The following LOC400499 variants were observed in gnomAD, a reference collection of about 807,000 sequenced individuals.
chr16:11,399,464 G>T, the LOC400499 span: 1 of 399,984 alleles, frequency 2.5e-6, no homozygotes, highest in South Asian at 1.3e-4. Context: ...CTGCTCCCCT[G>T]ACCTCACCTC....
chr16:11,468,987 G>A, the LOC400499 span, among the ~76,000 whole-genome samples: 3 of 152,146 alleles, frequency 2.0e-5, no homozygotes, highest in Non-Finnish European at 2.9e-5. Context: ...AATGACGGTG[G>A]GATTTGAGCC....
At chr16:11,383,499 C>T in the LOC400499 span, 1 of 925,040 alleles carries the variant, frequency 1.1e-6, no homozygotes. Flanking sequence ...TCCAAACAGG[C>T]AGTCTTAATA....
the LOC400499 span, among the ~76,000 whole-genome samples, chr16:11,464,162 T>C: frequency 1.7e-4 from 7 of 41,880 alleles, no homozygotes; most frequent in Non-Finnish European, 3.5e-4. Flanking sequence ...TGTATGTGTA[T>C]GGACATGTGT....
At chr16:11,385,055 AGCCTGTAG>A in the LOC400499 span, 3 of 1,232,172 alleles carry the variant, frequency 2.4e-6, no homozygotes, top group South Asian at 4.1e-5. Flanking sequence ...GGAGTTGTAC[AGCCTGTAG>A]GCCTGTGGGC....
At chr16:11,432,703 G>C in the LOC400499 span, among the ~76,000 whole-genome samples, 49,946 of 152,068 alleles carry the variant, frequency 0.33, 8,676 homozygotes, top group Admixed American at 0.48. Flanking sequence ...GACACCATTG[G>C]AGAGATTTCC....
chr16:11,525,665 T>A, the LOC400499 span, among the ~76,000 whole-genome samples: 1 of 152,172 alleles, frequency 6.6e-6, no homozygotes, highest in Non-Finnish European at 1.5e-5. Flanking sequence ...TCCCTACATC[T>A]GCTTCACTGC....
chr16:11,402,826 A>G, the LOC400499 span, among the ~76,000 whole-genome samples: 1 of 151,936 alleles, frequency 6.6e-6, no homozygotes, highest in Non-Finnish European at 1.5e-5. Context: ...CTTTGTTACC[A>G]TCCTGAATCA....
chr16:11,424,403 T>G, the LOC400499 span: 2 of 399,150 alleles, frequency 5.0e-6, no homozygotes, highest in Non-Finnish European at 8.8e-6. Context: ...CTCACCCCAG[T>G]CCACCGCATT....
At chr16:11,504,459 G>A in the LOC400499 span, among the ~76,000 whole-genome samples, 1 of 152,116 alleles carries the variant, frequency 6.6e-6, no homozygotes, top group Non-Finnish European at 1.5e-5. Context: ...AGGAGGCTGA[G>A]GCAAGAGATC....
At chr16:11,508,357 G>T in the LOC400499 span, among the ~76,000 whole-genome samples, 1 of 152,256 alleles carries the variant, frequency 6.6e-6, no homozygotes, top group East Asian at 1.9e-4. Flanking sequence ...CCTGGGCCAT[G>T]TGTTTCTAAC....
At chr16:11,384,262 T>G in the LOC400499 span, 1 of 1,232,326 alleles carries the variant, frequency 8.1e-7, no homozygotes, top group South Asian at 4.1e-5. Context: ...CATAGAGCCA[T>G]CCGGCAACAT....
At chr16:11,395,569 G>T in the LOC400499 span, among the ~76,000 whole-genome samples, 1 of 152,204 alleles carries the variant, frequency 6.6e-6, no homozygotes, top group Non-Finnish European at 1.5e-5. Flanking sequence ...TCTCAACCCA[G>T]AAATGCCATC....
chr16:11,462,109 TCTC>T, the LOC400499 span: 1 of 1,486,938 alleles, frequency 6.7e-7, no homozygotes, highest in Non-Finnish European at 8.9e-7. Context: ...AGGGGTCTCA[TCTC>T]CTACCTGTCA....
At chr16:11,393,677 G>A in the LOC400499 span, 2 of 831,942 alleles carry the variant, frequency 2.4e-6, no homozygotes, top group African/African-American at 1.8e-5. Flanking sequence ...GGACCTGTAG[G>A]GAACCAAGGG....
chr16:11,430,361 G>A, the LOC400499 span, among the ~76,000 whole-genome samples: 15 of 152,216 alleles, frequency 9.9e-5, no homozygotes, highest in Middle Eastern at 6.8e-3. Context: ...GTGATGCTGT[G>A]TTCCTGTAAT....
At chr16:11,477,316 T>C in the LOC400499 span, among the ~76,000 whole-genome samples, 1 of 152,178 alleles carries the variant, frequency 6.6e-6, no homozygotes, top group Admixed American at 6.5e-5. Context: ...CAAGGACAGC[T>C]CAGCTGAGGG....
chr16:11,374,922 C>T, the LOC400499 span, among the ~76,000 whole-genome samples: 1 of 152,148 alleles, frequency 6.6e-6, no homozygotes, highest in African/African-American at 2.4e-5. Context: ...GATCTTAGCT[C>T]ACTGCAACCT....
At chr16:11,523,429 C>T in the LOC400499 span, 1 of 398,748 alleles carries the variant, frequency 2.5e-6, no homozygotes, top group Non-Finnish European at 4.4e-6. Flanking sequence ...CCTGTGCACG[C>T]AGTCATGCAG....
the LOC400499 span, chr16:11,487,214 A>C: frequency 2.5e-6 from 1 of 398,608 alleles, no homozygotes; most frequent in South Asian, 1.3e-4. Context: ...TTTTTGGCCC[A>C]AGTCTAGGAG....
Sources: gnomAD v4.1 joint callset for allele counts (sites outside exome capture counted in the v4.1 genomes callset) on GRCh38, gnomAD v4.1.1 for gene constraint, MANE v1.5 for transcripts.